MCCC1: variants seen among roughly 807,000 people sequenced by gnomAD.
The protein encoded by MCCC1 is methylcrotonoyl-CoA carboxylase subunit alpha, mitochondrial.
MCCC1 carries 64 observed loss-of-function variants against 83.8 expected under a neutral mutation model. That is an observed-to-expected ratio of 0.76 (90% CI 0.62 to 0.94). MCCC1 has a LOEUF of 0.94. Among genes scored for constraint, MCCC1 ranks in the 40% least tolerant of loss-of-function variants. The probability of loss-of-function intolerance (pLI) is 0.00; values close to 1 mark genes in which losing one functional copy is unlikely to be tolerated. For synonymous variants in MCCC1, 322 were observed against 315.4 expected (o/e 1.02, Z -0.22); for missense variants, 807 against 904.7 (o/e 0.89, Z 1.39).
intron 1 of MCCC1, among the ~76,000 whole-genome samples, chr3:183,097,954 G>A (rs978922636): frequency 1.3e-5 from 2 of 151,380 alleles, no homozygotes; most frequent in Admixed American, 6.6e-5. Context: ...TTACTCTGTC[G>A]CCCAGGCTGG....
chr3:183,100,218 C>G (rs1719077743), upstream of MCCC1, among the ~76,000 whole-genome samples: 1 of 152,148 alleles, frequency 6.6e-6, no homozygotes, highest in Non-Finnish European at 1.5e-5. Context: ...ATCACAGACA[C>G]AGGAAACAAA....
intron 1 of MCCC1, among the ~76,000 whole-genome samples, chr3:183,098,221 GC>G (rs575275740): frequency 1.0e-3 from 153 of 152,304 alleles, no homozygotes; most frequent in African/African-American, 3.5e-3. Flanking sequence ...GAGCTACCGC[GC>G]CCCGCCAACT....
chr3:183,105,925 T>C (rs1719395046), intron 1 of MCCC1, among the ~76,000 whole-genome samples: 1 of 151,684 alleles, frequency 6.6e-6, no homozygotes, highest in African/African-American at 2.4e-5. Context: ...CTGTCTCTAC[T>C]AAAAAATACA....
intron 1 of MCCC1, among the ~76,000 whole-genome samples, chr3:183,112,042 T>A (rs1379814612): frequency 3.9e-5 from 6 of 152,148 alleles, no homozygotes; most frequent in African/African-American, 1.4e-4. Context: ...TCTCTGGTCT[T>A]CTGAAAATCC....
chr3:183,090,114 TAG>T (rs753458361), intron 3 of MCCC1, among the ~76,000 whole-genome samples: 13 of 152,038 alleles, frequency 8.6e-5, no homozygotes, highest in African/African-American at 1.2e-4. Flanking sequence ...AAGGGTCTGG[TAG>T]ATGGGTAGGG....
At chr3:183,037,712 G>A (rs1577267872) in intron 12 of MCCC1, among the ~76,000 whole-genome samples, 1 of 152,124 alleles carries the variant, frequency 6.6e-6, no homozygotes, top group Non-Finnish European at 1.5e-5. Flanking sequence ...TGGAAATACC[G>A]AGGCACTTAC....
chr3:183,023,946 C>T (rs1489204427), intron 15 of MCCC1, among the ~76,000 whole-genome samples: 4 of 152,170 alleles, frequency 2.6e-5, no homozygotes, highest in Admixed American at 1.3e-4. Flanking sequence ...AGGGCATCCA[C>T]AAAGTCATAA....
chr3:183,020,863 T>G (rs1486326836), intron 16 of MCCC1, among the ~76,000 whole-genome samples: 1 of 151,900 alleles, frequency 6.6e-6, no homozygotes, highest in Non-Finnish European at 1.5e-5. Context: ...ATCAAAACCA[T>G]CCTGGCTAAC....
chr3:183,045,629 C>G, intron 9 of MCCC1, 89 bp from the exon 10 acceptor site: 1 of 1,374,534 alleles, frequency 7.3e-7, no homozygotes, highest in Non-Finnish European at 1.0e-6. Flanking sequence ...CAAGTTTTAC[C>G]GCTGTCTTCA....
At chr3:183,063,842 C>T (rs1716034578) in intron 7 of MCCC1, among the ~76,000 whole-genome samples, 1 of 152,140 alleles carries the variant, frequency 6.6e-6, no homozygotes, top group Non-Finnish European at 1.5e-5. Flanking sequence ...GGAGACCCTC[C>T]AACCCAAAGA....
chr3:183,036,687 G>C (rs947772969), intron 13 of MCCC1, among the ~76,000 whole-genome samples: 2 of 151,932 alleles, frequency 1.3e-5, no homozygotes, highest in African/African-American at 4.8e-5. Context: ...CTACAGGTGC[G>C]TGCCACCACA....
At chr3:183,088,839 A>G (rs780335751) in intron 3 of MCCC1, among the ~76,000 whole-genome samples, 3 of 152,220 alleles carry the variant, frequency 2.0e-5, no homozygotes, top group Non-Finnish European at 4.4e-5. Flanking sequence ...CTCATTTTGT[A>G]TAACATTTGC....
At chr3:183,104,111 T>A (rs1286055338), upstream of MCCC1, among the ~76,000 whole-genome samples, 1 of 152,124 alleles carries the variant, frequency 6.6e-6, no homozygotes, top group Non-Finnish European at 1.5e-5. Context: ...CAGCCCCGGT[T>A]CCCGCTCGCA....
chr3:183,024,255 CAAAAA>C (rs1304590625), intron 15 of MCCC1, among the ~76,000 whole-genome samples: 1 of 148,372 alleles, frequency 6.7e-6, no homozygotes, highest in Admixed American at 6.7e-5. Context: ...CTTCTCAAAA[CAAAAA>C]AAAAGAAAAA....
intron 3 of MCCC1, among the ~76,000 whole-genome samples, chr3:183,088,391 G>C (rs987448885): frequency 2.6e-5 from 4 of 152,022 alleles, no homozygotes; most frequent in Admixed American, 6.6e-5. Context: ...ATTTGTAGTA[G>C]AGACAGGGCC....
intron 8 of MCCC1, among the ~76,000 whole-genome samples, chr3:183,056,498 T>C (rs887053228): frequency 1.3e-5 from 2 of 152,130 alleles, no homozygotes; most frequent in African/African-American, 4.8e-5. Context: ...CAAAGAGATA[T>C]AAACAAATGT....
chr3:183,097,126 C>CAACTT (rs1718793625), intron 1 of MCCC1, among the ~76,000 whole-genome samples: 1 of 152,134 alleles, frequency 6.6e-6, no homozygotes, highest in Non-Finnish European at 1.5e-5. Flanking sequence ...ATCTAAGCTG[C>CAACTT]AACTTAAAAG....
chr3:183,063,953 C>A (rs369217337), intron 7 of MCCC1, among the ~76,000 whole-genome samples: 16 of 152,070 alleles, frequency 1.1e-4, no homozygotes, highest in African/African-American at 3.9e-4. Flanking sequence ...TAAAGTCTCT[C>A]CTAAGACAGA....
At chr3:183,076,892 T>A (rs1717114154) in intron 4 of MCCC1, among the ~76,000 whole-genome samples, 2 of 152,122 alleles carry the variant, frequency 1.3e-5, no homozygotes, top group African/African-American at 4.8e-5. Context: ...CATTCCTCAC[T>A]CCCCATAAAC....
Sources: allele counts gnomAD v4.1 joint callset (sites outside exome capture counted in the v4.1 genomes callset), GRCh38; gene constraint gnomAD v4.1.1; transcripts MANE v1.5; gene names NCBI Gene and HGNC (gene_info 2026-07-23, HGNC 2026-07-21).